MALRD1: variants seen among roughly 807,000 people sequenced by gnomAD.
MALRD1 encodes MAM and LDL receptor class A domain containing 1, also known as MAM and LDL-receptor class A domain-containing protein 1.
MALRD1 carries 247 observed loss-of-function variants against 242.1 expected under a neutral mutation model. The ratio of observed to expected loss-of-function variants is 1.02; its 90% CI spans 0.92 to 1.13. The LOEUF (loss-of-function observed/expected upper bound fraction) is 1.13, where lower values mean the gene tolerates loss of function less well. MALRD1 is among the 50% of genes most tolerant of loss of function. The pLI is 0.00. For synonymous variants in MALRD1, 995 were observed against 866.6 expected, an observed-to-expected ratio of 1.15 and a Z score of -2.60; for missense variants, 2,989 against 2,533.1, an observed-to-expected ratio of 1.18 and a Z score of -3.86.
intron 5 of MALRD1, among the ~76,000 whole-genome samples, chr10:19,107,055 A>G (rs923694615): frequency 5.9e-5 from 9 of 151,976 alleles, no homozygotes; most frequent in African/African-American, 2.2e-4. Flanking sequence ...AACATTTGAT[A>G]TATCCTGGAG....
At chr10:19,720,852 TA>T (rs1027204394) in intron 38 of MALRD1, among the ~76,000 whole-genome samples, 3 of 152,134 alleles carry the variant, frequency 2.0e-5, no homozygotes, top group Admixed American at 2.0e-4. Flanking sequence ...AGACCAGGTA[TA>T]AAATAACACT....
chr10:19,506,176 G>A (rs1564398579), intron 31 of MALRD1, among the ~76,000 whole-genome samples: 1 of 152,190 alleles, frequency 6.6e-6, no homozygotes, highest in Non-Finnish European at 1.5e-5. Flanking sequence ...TGGGAAAACA[G>A]TTCTTTCTGT....
intron 19 of MALRD1, among the ~76,000 whole-genome samples, chr10:19,260,586 C>T (rs748126710): frequency 1.3e-4 from 20 of 152,112 alleles, no homozygotes; most frequent in Admixed American, 3.9e-4. Context: ...GATAGAAAAT[C>T]TTTACAAGAA....
At chr10:19,712,143 C>G (rs1402905200) in intron 38 of MALRD1, among the ~76,000 whole-genome samples, 1 of 152,096 alleles carries the variant, frequency 6.6e-6, no homozygotes, top group East Asian at 1.9e-4. Context: ...TAAACATCAG[C>G]TCTATGGAAC....
chr10:19,087,247 G>A (rs989978474), intron 2 of MALRD1, among the ~76,000 whole-genome samples: 3 of 152,004 alleles, frequency 2.0e-5, no homozygotes, highest in African/African-American at 7.2e-5. Context: ...ATAGTATAAT[G>A]TTTTCGCTAG....
chr10:19,359,243 A>G (rs1023212166), intron 26 of MALRD1, among the ~76,000 whole-genome samples: 2 of 152,164 alleles, frequency 1.3e-5, no homozygotes, highest in African/African-American at 4.8e-5. Context: ...CCAATAAAAC[A>G]CTTCTTGGTT....
chr10:19,432,461 C>G (rs1194353444), intron 28 of MALRD1, among the ~76,000 whole-genome samples: 1 of 152,080 alleles, frequency 6.6e-6, no homozygotes, highest in Non-Finnish European at 1.5e-5. Flanking sequence ...CAACTTTTAG[C>G]CAGTGGTTAC....
chr10:19,568,062 T>A (rs1235631897), intron 33 of MALRD1, among the ~76,000 whole-genome samples: 1 of 152,174 alleles, frequency 6.6e-6, no homozygotes, highest in Admixed American at 6.5e-5. Flanking sequence ...GTCTTCTCCA[T>A]CTGTATTAAG....
chr10:19,108,756 A>G (rs1052458620), intron 5 of MALRD1, among the ~76,000 whole-genome samples: 1 of 151,934 alleles, frequency 6.6e-6, no homozygotes, highest in East Asian at 1.9e-4. Flanking sequence ...ATTCTCTTTT[A>G]TCTCATTGAG....
At chr10:19,612,357 T>C (rs1838940331) in intron 35 of MALRD1, among the ~76,000 whole-genome samples, 1 of 151,966 alleles carries the variant, frequency 6.6e-6, no homozygotes, top group East Asian at 1.9e-4. Flanking sequence ...CCCTGTTTTA[T>C]GTAATTAGTT....
At chr10:19,180,075 A>G (rs1372516763) in intron 14 of MALRD1, among the ~76,000 whole-genome samples, 1 of 152,230 alleles carries the variant, frequency 6.6e-6, no homozygotes, top group Non-Finnish European at 1.5e-5. Flanking sequence ...AAGAGGCAAG[A>G]GGAAAGGCAA....
At chr10:19,418,282 A>G (rs1320126692) in intron 28 of MALRD1, among the ~76,000 whole-genome samples, 1 of 152,068 alleles carries the variant, frequency 6.6e-6, no homozygotes. Flanking sequence ...CACGCCCCCA[A>G]CAAATACACA....
At chr10:19,196,213 A>G (rs982709868) in intron 14 of MALRD1, among the ~76,000 whole-genome samples, 4 of 152,212 alleles carry the variant, frequency 2.6e-5, no homozygotes, top group Admixed American at 1.3e-4. Context: ...CATCTTAAAA[A>G]TATCTTCTCT....
At chr10:19,690,072 A>C (rs1231937019) in intron 36 of MALRD1, among the ~76,000 whole-genome samples, 1 of 152,076 alleles carries the variant, frequency 6.6e-6, no homozygotes, top group East Asian at 1.9e-4. Context: ...ACTGAAGTGG[A>C]AATTTTTGGG....
At chr10:19,369,711 TACAC>T (rs111861411) in intron 26 of MALRD1, among the ~76,000 whole-genome samples, 1 of 149,452 alleles carries the variant, frequency 6.7e-6, no homozygotes, top group African/African-American at 2.4e-5. Flanking sequence ...TATATATAAG[TACAC>T]ACACACACAC....
chr10:19,628,523 A>G (rs1047686865), intron 36 of MALRD1, among the ~76,000 whole-genome samples: 2 of 152,134 alleles, frequency 1.3e-5, no homozygotes, highest in Admixed American at 1.3e-4. Flanking sequence ...TAATATGTAT[A>G]TTAAGATCCT....
At chr10:19,120,979 G>T (rs1041577435) in intron 5 of MALRD1, among the ~76,000 whole-genome samples, 1 of 151,054 alleles carries the variant, frequency 6.6e-6, no homozygotes, top group Admixed American at 6.6e-5. Flanking sequence ...CCTGACCTCA[G>T]GTGATCTACC....
intron 19 of MALRD1, among the ~76,000 whole-genome samples, chr10:19,277,101 A>G (rs1358850992): frequency 2.0e-5 from 3 of 151,704 alleles, no homozygotes; most frequent in Admixed American, 6.6e-5. Flanking sequence ...TGTAGTTTTT[A>G]TTTTTGTAGA....
chr10:19,645,791 A>G lies in MALRD1; in HGVS notation c.6137+29868A>G, dbSNP rs558851777. 5.3e-5 allele frequency among the ~76,000 whole-genome samples: 8 copies of G among 152,294 alleles called. No homozygotes were observed. The South Asian group carries it at 1.7e-3, about 32-fold the overall frequency. ...ATACCTAATGCTAAATGACGAGTTA[A>G]TGGGTGCAGCACACCAACATGGCAC... On this transcript the variant is annotated intron_variant, in intron 36 of 39. Coordinates refer to ENST00000454679, the MANE Select transcript of MALRD1 (RefSeq NM_001142308.3).
Sources: allele counts gnomAD v4.1 joint callset (sites outside exome capture counted in the v4.1 genomes callset), GRCh38; gene constraint gnomAD v4.1.1; transcripts MANE v1.5; gene names NCBI Gene and HGNC (gene_info 2026-07-23, HGNC 2026-07-21).